The following LMX1B variants were observed in gnomAD, a reference collection of about 807,000 sequenced individuals.
LMX1B encodes LIM homeobox transcription factor 1 beta, also known as LIM homeobox transcription factor 1-beta.
LMX1B carries 12 observed loss-of-function variants against 51.4 expected under a neutral mutation model. The observed-to-expected ratio is 0.23, with a 90% CI of 0.15 to 0.38. The LOEUF (loss-of-function observed/expected upper bound fraction) is 0.38, where lower values mean the gene tolerates loss of function less well. Among genes scored for constraint, LMX1B ranks in the 10% least tolerant of loss-of-function variants. The pLI is 1.00. For missense variants in LMX1B, 445 were observed against 571.1 expected (o/e 0.78, Z 2.25); for synonymous variants, 237 against 235.4 (o/e 1.01, Z -0.06).
chr9:126,680,983 T>C (rs545568692), intron 2 of LMX1B, among the ~76,000 whole-genome samples: 1 of 152,218 alleles, frequency 6.6e-6, no homozygotes, highest in East Asian at 1.9e-4. Context: ...TACCTGCACC[T>C]GACCTGTCTC....
intron 2 of LMX1B, among the ~76,000 whole-genome samples, chr9:126,617,653 T>C (rs1835328660): frequency 6.6e-6 from 1 of 152,026 alleles, no homozygotes; most frequent in South Asian, 2.1e-4. Flanking sequence ...AAAGTATATT[T>C]GTTTTAAAAA....
At chr9:126,651,055 T>A (rs1258603312) in intron 2 of LMX1B, among the ~76,000 whole-genome samples, 1 of 151,990 alleles carries the variant, frequency 6.6e-6, no homozygotes, top group East Asian at 1.9e-4. Context: ...ACTCCTAGGA[T>A]GTGGGGACAT....
intron 2 of LMX1B, among the ~76,000 whole-genome samples, chr9:126,689,296 C>T (rs554969755): frequency 2.6e-4 from 40 of 152,314 alleles, no homozygotes; most frequent in Admixed American, 7.2e-4. Flanking sequence ...TCGCCGTGGG[C>T]GGTTCTGACG....
At chr9:126,656,731 G>C (rs987266128) in intron 2 of LMX1B, among the ~76,000 whole-genome samples, 1 of 152,228 alleles carries the variant, frequency 6.6e-6, no homozygotes, top group Non-Finnish European at 1.5e-5. Context: ...CTCAGGCTCA[G>C]CAGGTTGATG....
intron 2 of LMX1B, among the ~76,000 whole-genome samples, chr9:126,682,260 G>A (rs2118969108): frequency 6.6e-6 from 1 of 151,740 alleles, no homozygotes; most frequent in South Asian, 2.1e-4. Context: ...TCCTCCCTCT[G>A]CAAGGAGCCA....
At chr9:126,616,041 CAAGGGAG>C (rs1835297701) in intron 2 of LMX1B, among the ~76,000 whole-genome samples, 1 of 152,204 alleles carries the variant, frequency 6.6e-6, no homozygotes, top group African/African-American at 2.4e-5. Flanking sequence ...GCCTGAGCGG[CAAGGGAG>C]GCCCCCTTTC....
At chr9:126,662,071 C>T (rs938768476) in intron 2 of LMX1B, among the ~76,000 whole-genome samples, 4 of 152,220 alleles carry the variant, frequency 2.6e-5, no homozygotes, top group Non-Finnish European at 5.9e-5. Flanking sequence ...CCACGCAGCG[C>T]CCTGCAGAAT....
chr9:126,681,947 A>AC (rs1276116457), intron 2 of LMX1B, among the ~76,000 whole-genome samples: 28 of 146,006 alleles, frequency 1.9e-4, no homozygotes, highest in East Asian at 1.0e-3. Flanking sequence ...ATCAGATCAC[A>AC]CCCCCCCACC....
intron 2 of LMX1B, among the ~76,000 whole-genome samples, chr9:126,684,726 T>TCA (rs1164349597): frequency 6.6e-6 from 1 of 151,758 alleles, no homozygotes; most frequent in Non-Finnish European, 1.5e-5. Context: ...GTCACAAGAG[T>TCA]CACTTAGTAC....
intron 2 of LMX1B, among the ~76,000 whole-genome samples, chr9:126,644,286 C>T (rs1835860204): frequency 6.6e-6 from 1 of 152,184 alleles, no homozygotes; most frequent in Admixed American, 6.5e-5. Flanking sequence ...CCATAAAGTG[C>T]GAGTTTGGAA....
rs750023127 is a variant in LMX1B at position 126,690,898 on chromosome 9, G to A, written c.389G>A (p.Arg130Gln). Residue 130 changes from arginine to glutamine, a missense_variant, in exon 3 of 8, where the codon CGG (arginine) becomes CAG (glutamine). Physicochemically the swap from Arg to Gln is conservative, Grantham distance 43 (BLOSUM62 1). Around this residue, in one of 3 missense-constraint regions of LMX1B, gnomAD observed 273 missense variants for 343.3 expected, o/e 0.80. Coordinates refer to ENST00000373474, the MANE Select transcript of LMX1B (RefSeq NM_001174147.2). Reference sequence around the variant, plus strand: ...ATCGCCCCCACCGAGTTCGTGATGCGGGCGCTGGAGTGCGTGTACCACCTG... The same window carrying A: ...ATCGCCCCCACCGAGTTCGTGATGCAGGCGCTGGAGTGCGTGTACCACCTG... Reference protein sequence around the residue: ...EKIAPTEFVMRALECVYHLGC... With the variant: ...EKIAPTEFVMQALECVYHLGC... The A allele has an allele frequency of 4.3e-6, 7 of 1,613,790 alleles. No individual in the cohort carries two copies. Among genetic ancestry groups the A allele is most frequent in the South Asian group, 1.1e-5 (1 of 91,066 alleles).
At chr9:126,681,354 C>T (rs1218787883) in intron 2 of LMX1B, among the ~76,000 whole-genome samples, 1 of 152,156 alleles carries the variant, frequency 6.6e-6, no homozygotes. Context: ...CTGTTCTTCC[C>T]CTGCCTCCCC....
chr9:126,616,078 C>T (rs548085261), intron 2 of LMX1B, among the ~76,000 whole-genome samples: 1 of 152,322 alleles, frequency 6.6e-6, no homozygotes, highest in African/African-American at 2.4e-5. Context: ...CACTGCTGCA[C>T]TTTTAGTCCC....
At chr9:126,636,801 G>A (rs78073241) in intron 2 of LMX1B, among the ~76,000 whole-genome samples, 4,811 of 152,302 alleles carry the variant, frequency 0.032, 102 homozygotes, top group Non-Finnish European at 0.046. Context: ...CCATGGTAGA[G>A]ACTCAGTGAA....
At chr9:126,647,111 C>T (rs76781494) in intron 2 of LMX1B, among the ~76,000 whole-genome samples, 1 of 151,922 alleles carries the variant, frequency 6.6e-6, no homozygotes, top group Non-Finnish European at 1.5e-5. Flanking sequence ...GACAGGCTGG[C>T]GGATCGCTTG....
At chr9:126,646,043 A>G (rs1056020278) in intron 2 of LMX1B, among the ~76,000 whole-genome samples, 1 of 152,190 alleles carries the variant, frequency 6.6e-6, no homozygotes, top group Non-Finnish European at 1.5e-5. Context: ...TTATTAAACC[A>G]GGGGAAAGGG....
At chr9:126,681,880 G>A (rs866266507) in intron 2 of LMX1B, among the ~76,000 whole-genome samples, 21 of 150,672 alleles carry the variant, frequency 1.4e-4, no homozygotes, top group Non-Finnish European at 2.5e-4. Flanking sequence ...CAGCCTGGGC[G>A]ACAGAGTGAG....
intron 2 of LMX1B, among the ~76,000 whole-genome samples, chr9:126,681,845 G>A (rs1564165567): frequency 6.6e-6 from 1 of 151,570 alleles, no homozygotes; most frequent in Non-Finnish European, 1.5e-5. Context: ...AGGTTGCAGT[G>A]AGCCAAGATC....
At position 126,626,789 on chromosome 9, in the gene LMX1B, C is replaced by T. The variant is rs1486979834; in HGVS notation, c.326+11220C>T. Among the ~76,000 whole-genome samples the T allele has an allele frequency of 2.6e-5, 4 of 152,156 alleles. No homozygotes were observed. The highest frequency in any genetic ancestry group is 4.8e-5 in the African/African-American group (2 of 41,434). ...TCAGCGCCTCCGCCCCACCCCCAGC[C>T]CCGCGGCGGTGATTTGTGTGCGGGG... On this transcript the variant is annotated intron_variant, in intron 2 of 7. Coordinates refer to ENST00000373474, the MANE Select transcript of LMX1B (RefSeq NM_001174147.2). This position sits in a 1 kb window ranked among gnomAD's most constrained non-coding sequence, Gnocchi z 4.3.
Sources: gnomAD v4.1 joint callset for allele counts (sites outside exome capture counted in the v4.1 genomes callset) on GRCh38, gnomAD v4.1.1 for gene constraint, gnomAD v4.1.1 regional missense constraint, Gnocchi (gnomAD v3.1) non-coding constraint, MANE v1.5 for transcripts, NCBI Gene and HGNC (gene_info 2026-07-23, HGNC 2026-07-21) for gene names.